CENPP: variants seen among roughly 807,000 people sequenced by gnomAD.
CENPP encodes centromere protein P.
Under a neutral mutation model 35.6 loss-of-function variants are expected in CENPP, and 24 were observed. The observed-to-expected ratio is 0.67, with a 90% CI of 0.49 to 0.95. CENPP has a LOEUF of 0.95. CENPP is among the 40% of genes least tolerant of loss of function. CENPP has a pLI of 0.00. For missense variants in CENPP, 332 were observed against 345.3 expected (o/e 0.96, Z 0.31); for synonymous variants, 120 against 125.5 (o/e 0.96, Z 0.29).
chr9:92,576,086 A>C (rs753155444), intron 5 of CENPP, among the ~76,000 whole-genome samples: 1 of 152,238 alleles, frequency 6.6e-6, no homozygotes, highest in African/African-American at 2.4e-5. Context: ...CGTAGCTATA[A>C]CATTGGAAGC....
At chr9:92,598,319 C>A (rs1850828994) in intron 5 of CENPP, among the ~76,000 whole-genome samples, 1 of 152,212 alleles carries the variant, frequency 6.6e-6, no homozygotes, top group South Asian at 2.1e-4. Flanking sequence ...GAGTTGGCCT[C>A]ATCCCCACAA....
chr9:92,460,233 AC>A (rs1372453652), intron 5 of CENPP, among the ~76,000 whole-genome samples: 1 of 151,726 alleles, frequency 6.6e-6, no homozygotes. Flanking sequence ...ATGGGGTTTT[AC>A]CATGTTAGCC....
chr9:92,505,770 GA>G (rs1588196068), intron 5 of CENPP: 37 of 1,163,426 alleles, frequency 3.2e-5, no homozygotes, highest in Non-Finnish European at 4.1e-5. Context: ...AATGTCATGT[GA>G]AATGGCCGGT....
intron 5 of CENPP, among the ~76,000 whole-genome samples, chr9:92,413,585 C>T (rs1018567223): frequency 1.3e-5 from 2 of 152,010 alleles, no homozygotes; most frequent in African/African-American, 4.8e-5. Context: ...AATTTATATC[C>T]TGTATTTAAA....
chr9:92,518,625 G>A (rs955965280), intron 5 of CENPP, among the ~76,000 whole-genome samples: 20 of 152,128 alleles, frequency 1.3e-4, no homozygotes, highest in African/African-American at 4.6e-4. Context: ...GTCTGGGCAC[G>A]GTGGCTCATG....
chr9:92,332,494 C>T, intron 2 of CENPP, 143 bp downstream of exon 2: 1 of 632,720 alleles, frequency 1.6e-6, no homozygotes, highest in Non-Finnish European at 2.5e-6. Flanking sequence ...ACTCACATAT[C>T]TTTTGAACAT....
chr9:92,345,884 G>C, intron 4 of CENPP, 97 bp downstream of exon 4: 1 of 678,628 alleles, frequency 1.5e-6, no homozygotes, highest in Non-Finnish European at 2.6e-6. Flanking sequence ...TAAGTAAATA[G>C]GTCTTCTCTG....
At chr9:92,357,650 A>T (rs753308531) in intron 4 of CENPP, among the ~76,000 whole-genome samples, 28 of 150,728 alleles carry the variant, frequency 1.9e-4, no homozygotes, top group Non-Finnish European at 3.0e-4. Context: ...ATGCGCCACC[A>T]CTCCTGGCTC....
intron 5 of CENPP, among the ~76,000 whole-genome samples, chr9:92,432,648 A>G (rs1844141927): frequency 6.6e-6 from 1 of 152,254 alleles, no homozygotes. Flanking sequence ...GGGAGCAGCC[A>G]GTACTCCACC....
intron 5 of CENPP, among the ~76,000 whole-genome samples, chr9:92,536,861 T>C (rs1242961472): frequency 9.1e-6 from 1 of 109,918 alleles, no homozygotes; most frequent in Non-Finnish European, 1.9e-5. Flanking sequence ...TTTAGAACTA[T>C]TTTTTAAATT....
At chr9:92,578,882 A>G (rs556052899) in intron 5 of CENPP, among the ~76,000 whole-genome samples, 13 of 152,338 alleles carry the variant, frequency 8.5e-5, no homozygotes, top group African/African-American at 2.4e-4. Context: ...GCCCATGCCT[A>G]TGTCCTGAAT....
chr9:92,453,021 T>C (rs1844760138), intron 5 of CENPP, among the ~76,000 whole-genome samples: 1 of 152,198 alleles, frequency 6.6e-6, no homozygotes, highest in Admixed American at 6.6e-5. Context: ...TAGGGGTCTA[T>C]CAATTTTGTT....
At position 92,572,853 on chromosome 9, in the gene CENPP, C is replaced by T. The variant is rs553937167; in HGVS notation, c.565-38461C>T. 3.5e-3 allele frequency among the ~76,000 whole-genome samples: 527 copies of T among 152,290 alleles called. 4 individuals carry two copies. The highest frequency in any genetic ancestry group is 0.012 in the African/African-American group (514 of 41,562). On this transcript the variant is annotated intron_variant, in intron 5 of 7. Coordinates refer to ENST00000375587, the MANE Select transcript of CENPP (RefSeq NM_001012267.3). Reference sequence around the variant, plus strand: ...ATTTCATTCATTTGATCTTCAATCACTGATACCCTTTCTTCCACTTGATCA... The same window carrying T: ...ATTTCATTCATTTGATCTTCAATCATTGATACCCTTTCTTCCACTTGATCA...
In CENPP at chr9:92,559,230, C is replaced by T. The variant is rs543496986; in HGVS notation, c.565-52084C>T. 3.4e-3 allele frequency among the ~76,000 whole-genome samples: 515 copies of T among 152,322 alleles called. 1 individual carries two copies. Among genetic ancestry groups the T allele is most frequent in the Non-Finnish European group, 5.1e-3 (345 of 68,022 alleles). ...ACCCCTGCTCCTCTGGCCGCCCTCC[C>T]GATGGATCCCTGTGGTGTCAGGCAG... On this transcript the variant is annotated intron_variant, in intron 5 of 7. Transcript: ENST00000375587.
In CENPP at chr9:92,472,864, G is replaced by A. The variant is rs191746622; in HGVS notation, c.564+93005G>A. Among the ~76,000 whole-genome samples the A allele has an allele frequency of 2.1e-4, 32 of 152,264 alleles. No individual in the cohort carries two copies. In the East Asian group the frequency reaches 5.4e-3, roughly 26 times the overall value. On this transcript the variant is annotated intron_variant, in intron 5 of 7. Transcript: ENST00000375587. ...AGTGGAAGTCTTATAGGAAGCTGGA[G>A]GTTCTGCAGAAGGGATCCTCCTGGT...
intron 5 of CENPP, among the ~76,000 whole-genome samples, chr9:92,577,853 G>T (rs967062601): frequency 1.4e-4 from 21 of 151,294 alleles, no homozygotes; most frequent in Non-Finnish European, 2.8e-4. Context: ...CAATGTGCAG[G>T]TTAGTTACAT....
chr9:92,327,619 C>T (rs1309634477), intron 1 of CENPP, among the ~76,000 whole-genome samples: 1 of 152,182 alleles, frequency 6.6e-6, no homozygotes, highest in Non-Finnish European at 1.5e-5. Flanking sequence ...AGCAAAGGTA[C>T]TTAAGTACAC....
intron 5 of CENPP, chr9:92,500,843 C>G: frequency 6.2e-7 from 1 of 1,614,030 alleles, no homozygotes; most frequent in Non-Finnish European, 8.5e-7. Flanking sequence ...AATGATATGC[C>G]CCATAGAAGG....
intron 5 of CENPP, among the ~76,000 whole-genome samples, chr9:92,459,180 T>TG (rs1333647486): frequency 3.3e-5 from 5 of 152,152 alleles, no homozygotes; most frequent in Non-Finnish European, 2.9e-5. Context: ...GTTGGAATGT[T>TG]TAAAAAAAAA....
Sources: gnomAD v4.1 joint callset for allele counts (sites outside exome capture counted in the v4.1 genomes callset) on GRCh38, gnomAD v4.1.1 for gene constraint, MANE v1.5 for transcripts, NCBI Gene and HGNC (gene_info 2026-07-23, HGNC 2026-07-21) for gene names.